The following RAB36 variants were observed in gnomAD, a reference collection of about 807,000 sequenced individuals.
The protein encoded by RAB36 is ras-related protein Rab-36.
Under a neutral mutation model 39.3 loss-of-function variants are expected in RAB36, and 33 were observed. The ratio of observed to expected loss-of-function variants is 0.84; its 90% CI spans 0.64 to 1.12. RAB36 has a LOEUF of 1.12. Ranked by LOEUF, RAB36 falls within the 50% of genes most tolerant of loss-of-function variation. The probability of loss-of-function intolerance (pLI) is 0.00; values close to 1 mark genes in which losing one functional copy is unlikely to be tolerated. For synonymous variants in RAB36, 133 were observed against 140.2 expected, an observed-to-expected ratio of 0.95 and a Z score of 0.36; for missense variants, 308 against 355.3, an observed-to-expected ratio of 0.87 and a Z score of 1.07.
At chr22:23,157,670 T>A (rs1393844885) in intron 6 of RAB36, among the ~76,000 whole-genome samples, 1 of 152,214 alleles carries the variant, frequency 6.6e-6, no homozygotes, top group Non-Finnish European at 1.5e-5. Flanking sequence ...TCTCAGCAGT[T>A]AAGGCCCTCA....
At position 23,162,676 on chromosome 22, in the gene RAB36, C is replaced by T. The variant is rs2146607849; in HGVS notation, c.*1112C>T. ...TGAACCAGCCCCACAGCCCCAGGCC[C>T]CTGTCACCTGGCTATGCCCACTCAT... On this transcript the variant is annotated 3_prime_UTR_variant, in exon 11 of 11. Transcript: ENST00000263116. 2.2e-6 allele frequency: 1 copy of T among 456,302 alleles called. No homozygotes were observed. The highest frequency in any genetic ancestry group is 7.0e-5 in the East Asian group (1 of 14,386). The allele number at this position is 456,302 out of a possible 1,614,324, so 28.3% of individuals were successfully genotyped here. A position where few individuals can be genotyped will look rare whatever the true frequency, so the allele number is the denominator to read the frequency against.
chr22:23,155,844 G>A (rs1256973615), intron 5 of RAB36, 124 bp from the exon 6 acceptor site: 1 of 809,644 alleles, frequency 1.2e-6, no homozygotes, highest in African/African-American at 1.8e-5. Flanking sequence ...GGCACTTCCT[G>A]AAGCCCATGC....
intron 10 of RAB36, 103 bp downstream of exon 10, chr22:23,161,101 T>C: frequency 7.1e-7 from 1 of 1,399,840 alleles, no homozygotes; most frequent in East Asian, 2.4e-5. Context: ...CCTGAACTTG[T>C]GGCCCTCTCC....
intron 6 of RAB36, among the ~76,000 whole-genome samples, chr22:23,157,728 C>T (rs952438946): frequency 1.3e-5 from 2 of 152,222 alleles, no homozygotes; most frequent in African/African-American, 2.4e-5. Flanking sequence ...GACGCTAAAG[C>T]CCATGCGCTC....
intron 2 of RAB36, among the ~76,000 whole-genome samples, chr22:23,149,642 A>G (rs143769457): frequency 9.2e-5 from 14 of 152,258 alleles, no homozygotes; most frequent in African/African-American, 2.6e-4. Context: ...AGCTGAAGCA[A>G]TCCTTCCACC....
rs1249829426 is a variant in RAB36 at position 23,153,077 on chromosome 22, G to A, written c.272G>A (p.Gly91Glu). The change falls in exon 5 of 11, where the codon GGG (glycine) becomes GAG (glutamate). Residue 91 changes from glycine to glutamate, a missense_variant. Transcript: ENST00000263116. The part of the protein sequence containing the change: ...VFDRDYKATI[G>E]VDFEIERFEI... Reference sequence around the variant, plus strand: ...GATCGAGACTACAAGGCCACCATTGGGGTGGACTTTGAAATTGAGCGCTTT... The same window carrying A: ...GATCGAGACTACAAGGCCACCATTGAGGTGGACTTTGAAATTGAGCGCTTT... 7 of 1,614,092 alleles carry A rather than the reference G, an allele frequency of 4.3e-6. No homozygotes were observed. Among genetic ancestry groups the A allele is most frequent in the Non-Finnish European group, 5.9e-6 (7 of 1,179,980 alleles).
At chr22:23,152,335 G>A (rs1206673715) in intron 3 of RAB36, 126 bp from the exon 4 acceptor site, 3 of 915,972 alleles carry the variant, frequency 3.3e-6, no homozygotes, top group Non-Finnish European at 5.4e-6. Context: ...CAGCAGGGTG[G>A]CCCATCCTGT....
In RAB36 at chr22:23,156,749, A is replaced by C. The variant is rs564773118; in HGVS notation, c.394+717A>C. Reference sequence around the variant, plus strand: ...ATAGGAAACAAACCAGGCAGCCCTCAGCCGTGGGTTGGAGCTCCAGCTCTG... The same window carrying C: ...ATAGGAAACAAACCAGGCAGCCCTCCGCCGTGGGTTGGAGCTCCAGCTCTG... On this transcript the variant is annotated intron_variant, in intron 6 of 10. Coordinates refer to ENST00000263116, the MANE Select transcript of RAB36 (RefSeq NM_004914.5). 7.0e-4 allele frequency among the ~76,000 whole-genome samples: 106 copies of C among 152,372 alleles called. 1 individual carries two copies. In the South Asian group the frequency reaches 0.021, roughly 31 times the overall value.
At position 23,161,765 on chromosome 22, in the gene RAB36, G is replaced by T. The variant is rs922352967; in HGVS notation, c.*201G>T. On this transcript the variant is annotated 3_prime_UTR_variant, in exon 11 of 11. Transcript: ENST00000263116. ...CGTTGCAGGTTGGGCACTAGAAAAGGCCCCCACTGGCTGCCTGGGAGCCCC... is the reference window on the plus strand; with the variant it reads ...CGTTGCAGGTTGGGCACTAGAAAAGTCCCCCACTGGCTGCCTGGGAGCCCC... The T allele has an allele frequency of 1.4e-5, 8 of 565,394 alleles. No individual in the cohort carries two copies. Among genetic ancestry groups the T allele is most frequent in the Admixed American group, 9.4e-5 (3 of 32,012 alleles). The allele number at this position is 565,394 out of a possible 1,614,324, so 35.0% of individuals were successfully genotyped here.
At chr22:23,152,323 C>A in intron 3 of RAB36, 138 bp from the exon 4 acceptor site, 1 of 819,782 alleles carries the variant, frequency 1.2e-6, no homozygotes, top group Non-Finnish European at 2.1e-6. Flanking sequence ...AACACAGTGT[C>A]TCAGCAGGGT....
rs762397123 is a variant in RAB36, at chr22:23,150,074, G to A, written c.81G>A (p.Pro27=). The change falls in exon 3 of 11, where the codon CCG becomes CCA. Residue 27 remains proline (P), a synonymous_variant. Transcript: ENST00000263116. ...VIASFPKWYT[P]EACLQLREHF... ...CTGTCTCTTTGCAGTGGTACACGCC[G>A]GAAGCCTGTTTGCAGCTCAGGGAGC... 1.1e-5 allele frequency: 17 copies of A among 1,609,274 alleles called. 1 individual carries two copies. Among genetic ancestry groups the A allele is most frequent in the South Asian group, 6.7e-5 (6 of 90,104 alleles).
At position 23,160,752 on chromosome 22, in the gene RAB36, C is replaced by G. The variant is rs193183132; in HGVS notation, c.620-127C>G. The stretch of plus-strand genomic sequence containing the variant: ...CTGTGCCCTCCTGGGGTCATTGTTA[C>G]TGTCAGGGTGCTCTAGAAAGGGCTA... On this transcript the variant is annotated intron_variant, in intron 9 of 10. Transcript: ENST00000263116. 1.9e-4 allele frequency: 247 copies of G among 1,316,200 alleles called. 3 individuals carry two copies. In the East Asian group the frequency reaches 4.7e-3, roughly 25 times the overall value. The allele number at this position is 1,316,200 out of a possible 1,614,324, so 81.5% of individuals were successfully genotyped here.
chr22:23,147,056 G>T (rs1056428054), intron 2 of RAB36, among the ~76,000 whole-genome samples: 1 of 152,166 alleles, frequency 6.6e-6, no homozygotes, highest in Non-Finnish European at 1.5e-5. Context: ...CTCATGGTAT[G>T]CAGGAGCTCC....
At position 23,159,289 on chromosome 22, in the gene RAB36, A is replaced by G. The variant is rs1601942529; in HGVS notation, c.619+36A>G. On this transcript the variant is annotated intron_variant, in intron 9 of 10. Coordinates refer to ENST00000263116, the MANE Select transcript of RAB36 (RefSeq NM_004914.5). The stretch of plus-strand genomic sequence containing the variant: ...CAGGGCTGTCACCATGGTGGGGCAG[A>G]GCCCTGCTCTTGGGCCAGTCCTGTG... 5 of 1,542,740 alleles carry G rather than the reference A, an allele frequency of 3.2e-6. No homozygotes were observed. In the South Asian group the frequency reaches 6.0e-5, roughly 18 times the overall value.
downstream of RAB36, among the ~76,000 whole-genome samples, chr22:23,167,862 ATT>A (rs1036985721): frequency 6.6e-6 from 1 of 151,074 alleles, no homozygotes; most frequent in East Asian, 2.0e-4. Flanking sequence ...ACTAATTCTC[ATT>A]TTTTTTGAGA....
At chr22:23,157,738 C>G (rs891090881) in intron 6 of RAB36, among the ~76,000 whole-genome samples, 1 of 152,222 alleles carries the variant, frequency 6.6e-6, no homozygotes, top group South Asian at 2.1e-4. Flanking sequence ...CCCATGCGCT[C>G]GCTCCACGCC....
At chr22:23,168,044 T>G (rs2072079508), downstream of RAB36, among the ~76,000 whole-genome samples, 1 of 152,010 alleles carries the variant, frequency 6.6e-6, no homozygotes, top group African/African-American at 2.4e-5. Flanking sequence ...TTCACAGAGA[T>G]AGGGTCTGTG....
Position 23,163,341 on chromosome 22 carries a change from T to A in RAB36, c.*1777T>A, listed in dbSNP as rs1258963438. 6.5e-6 allele frequency: 1 copy of A among 152,868 alleles called. No individual in the cohort carries two copies. The highest frequency in any genetic ancestry group is 1.5e-5 in the Non-Finnish European group (1 of 68,544). 9.5% of individuals were successfully genotyped at this position (152,868 alleles called of 1,614,324 possible). A position where few individuals can be genotyped will look rare whatever the true frequency, so the allele number is the denominator to read the frequency against. On this transcript the variant is annotated 3_prime_UTR_variant, in exon 11 of 11. Transcript: ENST00000263116. ...CCCTTCCGGGTTCATGCCATTCTCCTGCCTCAGCCTCCCGAGTAGCTGGGA... is the reference window on the plus strand; with the variant it reads ...CCCTTCCGGGTTCATGCCATTCTCCAGCCTCAGCCTCCCGAGTAGCTGGGA...
At chr22:23,153,162 T>C in intron 5 of RAB36, 28 bp downstream of exon 5, 1 of 1,562,304 alleles carries the variant, frequency 6.4e-7, no homozygotes, top group South Asian at 1.1e-5. Context: ...CCATGGCTCG[T>C]GGGCAGCTTC....
Sources: gnomAD v4.1 joint callset for allele counts (sites outside exome capture counted in the v4.1 genomes callset) on GRCh38, gnomAD v4.1.1 for gene constraint, MANE v1.5 for transcripts, NCBI Gene and HGNC (gene_info 2026-07-23, HGNC 2026-07-21) for gene names.